The following P2RX7 variants were observed in gnomAD, a reference collection of about 807,000 sequenced individuals.
P2RX7 encodes P2X purinoceptor 7.
P2RX7 carries 62 observed loss-of-function variants against 71.6 expected under a neutral mutation model. That is an observed-to-expected ratio of 0.87 (90% confidence interval 0.71 to 1.07). The LOEUF is 1.07. Among genes scored for constraint, P2RX7 ranks in the 50% least tolerant of loss-of-function variants. The pLI is 0.00. For synonymous variants in P2RX7, 299 were observed against 283.3 expected, an observed-to-expected ratio of 1.06 and a Z score of -0.56; for missense variants, 686 against 748.5, an observed-to-expected ratio of 0.92 and a Z score of 0.97.
In P2RX7 at chr12:121,154,073, C is replaced by T. The variant is rs747446388; in HGVS notation, c.126-712C>T. Among the ~76,000 whole-genome samples, 2 of 151,436 alleles carry T rather than the reference C, an allele frequency of 1.3e-5. No homozygotes were observed. The highest frequency in any genetic ancestry group is 2.9e-5 in the Non-Finnish European group (2 of 67,842). On this transcript the variant is annotated intron_variant, in intron 1 of 12. Transcript: ENST00000328963. This position sits in a 1 kb window ranked among gnomAD's most constrained non-coding sequence, Gnocchi z 4.2. ...GGGAGTTGGAGGCTGCAGTGAGCTA[C>T]GATCACGCCACTGCCCTCCAGCCTG...
At chr12:121,160,253 T>C (rs1879399635) in intron 3 of P2RX7, among the ~76,000 whole-genome samples, 1 of 152,172 alleles carries the variant, frequency 6.6e-6, no homozygotes, top group Non-Finnish European at 1.5e-5. Flanking sequence ...GTTCAAGTGA[T>C]TCTCCTGCCT....
intron 2 of P2RX7, 111 bp from the exon 3 acceptor site, chr12:121,155,968 T>G (rs1878489897): frequency 1.0e-6 from 1 of 975,908 alleles, no homozygotes; most frequent in African/African-American, 1.6e-5. Flanking sequence ...CAGATCCTGA[T>G]TTCTAGAAGC....
chr12:121,159,834 G>GTTTGCCCTGCTCAGTCCTTTCAGCCA (rs1879293882), intron 3 of P2RX7, among the ~76,000 whole-genome samples: 1 of 152,140 alleles, frequency 6.6e-6, no homozygotes, highest in Non-Finnish European at 1.5e-5. Context: ...CTCCGCACCT[G>GTTTGCCCTGCTCAGTCCTTTCAGCCA]TTTGCCCTGC....
Position 121,186,068 on chromosome 12 carries a change from GA to G in P2RX7, c.*1276del, listed in dbSNP as rs1173264389. On this transcript the variant is annotated 3_prime_UTR_variant, in exon 13 of 13. Coordinates refer to ENST00000328963, the MANE Select transcript of P2RX7 (RefSeq NM_002562.6). ...GACTCCATCTCAAAAAAAAAAAAAA[GA>G]AAAAAAAAATGTCTGCCTATCCTGA... 2.1e-4 allele frequency: 30 copies of G among 142,174 alleles called. No homozygotes were observed. Among genetic ancestry groups the G allele is most frequent in the South Asian group, 4.4e-4 (2 of 4,548 alleles). The allele number at this position is 142,174 out of a possible 1,614,324, so 8.8% of individuals were successfully genotyped here.
At chr12:121,181,293 C>T (rs541565101) in intron 12 of P2RX7, among the ~76,000 whole-genome samples, 2 of 152,290 alleles carry the variant, frequency 1.3e-5, no homozygotes, top group South Asian at 4.1e-4. Flanking sequence ...CCAACTTATT[C>T]AGCCATCCTA....
chr12:121,141,269 C>A (rs1874786729), intron 1 of P2RX7, among the ~76,000 whole-genome samples: 1 of 152,184 alleles, frequency 6.6e-6, no homozygotes, highest in Non-Finnish European at 1.5e-5. Flanking sequence ...GAAAAGCTGC[C>A]TCCGCATCTG....
At position 121,184,573 on chromosome 12, in the gene P2RX7, G is replaced by A; in HGVS notation, c.1559G>A (p.Arg520Lys). ...SELFRKLVLSRHVLQFLLLYQ... is the reference protein window; with the variant it reads ...SELFRKLVLSKHVLQFLLLYQ... Reference sequence around the variant, plus strand: ...CTGTTCAGGAAGCTGGTCCTGTCCAGACACGTCCTGCAGTTCCTCCTGCTC... The same window carrying A: ...CTGTTCAGGAAGCTGGTCCTGTCCAAACACGTCCTGCAGTTCCTCCTGCTC... The change falls in exon 13 of 13, where the codon AGA becomes AAA. Residue 520 changes from arginine to lysine, a missense_variant. Coordinates refer to ENST00000328963, the MANE Select transcript of P2RX7 (RefSeq NM_002562.6). The A allele has an allele frequency of 6.2e-7, 1 of 1,614,184 alleles. No homozygotes were observed.
In P2RX7 at chr12:121,184,789, A is replaced by C. The variant is rs1352061498; in HGVS notation, c.1775A>C (p.Lys592Thr). The stretch of plus-strand genomic sequence containing the variant: ...AGTGAAGGGCAGTACAGTGGCTTCA[A>C]GAGTCCTTACTGAAGCCAGGCACCG... ...PKSEGQYSGFKSPY is the reference protein window; with the variant it reads ...PKSEGQYSGFTSPY The change falls in exon 13 of 13, where the codon AAG becomes ACG. Residue 592 changes from lysine to threonine, a missense_variant. Lys to Thr is a moderately conservative substitution (Grantham distance 78, BLOSUM62 -1). Coordinates refer to ENST00000328963, the MANE Select transcript of P2RX7 (RefSeq NM_002562.6). 1.3e-6 allele frequency: 2 copies of C among 1,543,786 alleles called. No homozygotes were observed. The highest frequency in any genetic ancestry group is 8.8e-7 in the Non-Finnish European group (1 of 1,141,732).
At chr12:121,175,329 AC>A in intron 8 of P2RX7, 58 bp from the exon 9 acceptor site, 16 of 1,019,158 alleles carry the variant, frequency 1.6e-5, no homozygotes, top group Non-Finnish European at 2.1e-5. Context: ...AAAAAAAAAA[AC>A]CCAAAACCCA....
intron 1 of P2RX7, among the ~76,000 whole-genome samples, chr12:121,148,227 TA>T (rs1397391373): frequency 5.3e-4 from 80 of 151,022 alleles, no homozygotes; most frequent in African/African-American, 1.7e-3. Flanking sequence ...TTTATTTATT[TA>T]TTTTGAGACA....
intron 4 of P2RX7, among the ~76,000 whole-genome samples, chr12:121,161,809 C>A (rs1879784864): frequency 2.1e-5 from 3 of 142,758 alleles, no homozygotes; most frequent in Non-Finnish European, 1.5e-5. Context: ...AAAAAAGGCA[C>A]AGGGCAATTT....
intron 12 of P2RX7, among the ~76,000 whole-genome samples, chr12:121,182,860 A>T (rs1884350287): frequency 6.6e-6 from 1 of 152,220 alleles, no homozygotes; most frequent in African/African-American, 2.4e-5. Flanking sequence ...TAAATTTTTT[A>T]AACTCTGTAC....
rs201584516 is a variant in P2RX7 at position 121,167,563 on chromosome 12, A to G, written c.820A>G (p.Ser274Gly). Residue 274 changes from serine (S) to glycine (G), a missense_variant, in exon 8 of 13, where the codon AGT (serine) becomes GGT (glycine). Transcript: ENST00000328963. Reference sequence around the variant, plus strand: ...GTTCCATCACTGCCGTCCCAAATACAGTTTCCGTCGCCTTGACGACAAGAC... The same window carrying G: ...GTTCCATCACTGCCGTCCCAAATACGGTTTCCGTCGCCTTGACGACAAGAC... ...RWFHHCRPKY[S>G]FRRLDDKTTN... The G allele has an allele frequency of 1.2e-6, 2 of 1,612,762 alleles. No individual in the cohort carries two copies. The highest frequency in any genetic ancestry group is 2.7e-5 in the African/African-American group (2 of 74,878).
intron 5 of P2RX7, among the ~76,000 whole-genome samples, chr12:121,163,614 T>C (rs867604215): frequency 9.7e-5 from 7 of 71,956 alleles, no homozygotes; most frequent in South Asian, 2.7e-4. Context: ...GATAGATAGA[T>C]AGATAGATAG....
intron 9 of P2RX7, among the ~76,000 whole-genome samples, chr12:121,176,874 G>T (rs74567697): frequency 0.013 from 1,930 of 151,944 alleles, 18 homozygotes; most frequent in Non-Finnish European, 0.022. Flanking sequence ...ATGGAGAAAT[G>T]ATAGCCCTTC....
intron 1 of P2RX7, among the ~76,000 whole-genome samples, chr12:121,137,804 G>A (rs1592992264): frequency 1.3e-5 from 2 of 152,326 alleles, no homozygotes; most frequent in Non-Finnish European, 2.9e-5. Flanking sequence ...AGACAGGCTC[G>A]AGCAATGTTC....
chr12:121,170,112 G>T (rs1241846355), intron 8 of P2RX7, among the ~76,000 whole-genome samples: 1 of 152,102 alleles, frequency 6.6e-6, no homozygotes, highest in Non-Finnish European at 1.5e-5. Context: ...TGCTTCCTCT[G>T]GATCAATGGA....
Position 121,184,858 on chromosome 12 carries a change from G to A in P2RX7, c.*56G>A. 7.3e-7 allele frequency: 1 copy of A among 1,378,294 alleles called. No homozygotes were observed. The highest frequency in any genetic ancestry group is 9.8e-7 in the Non-Finnish European group (1 of 1,018,568). The allele number at this position is 1,378,294 out of a possible 1,614,324, so 85.4% of individuals were successfully genotyped here. The stretch of plus-strand genomic sequence containing the variant: ...CCAGCGCTTTGGGAGGCCGAGGCAG[G>A]CAGATCACCTGAGGTCGGGAGTTGG... On this transcript the variant is annotated 3_prime_UTR_variant, in exon 13 of 13. Coordinates refer to ENST00000328963, the MANE Select transcript of P2RX7 (RefSeq NM_002562.6).
At chr12:121,160,726 T>TA (rs1879500059) in intron 3 of P2RX7, among the ~76,000 whole-genome samples, 176 bp from the exon 4 acceptor site, 1 of 152,252 alleles carries the variant, frequency 6.6e-6, no homozygotes, top group Admixed American at 6.5e-5. Context: ...ATGTACCACA[T>TA]TTTATTTGTC....
Sources: allele counts gnomAD v4.1 joint callset (sites outside exome capture counted in the v4.1 genomes callset), GRCh38; gene constraint gnomAD v4.1.1; non-coding constraint Gnocchi (gnomAD v3.1); transcripts MANE v1.5; gene names NCBI Gene and HGNC (gene_info 2026-07-23, HGNC 2026-07-21).